The following P2RX3 variants were observed in gnomAD, a reference collection of about 807,000 sequenced individuals.
P2RX3 encodes P2X purinoceptor 3.
P2RX3 carries 41 observed loss-of-function variants against 51.5 expected under a neutral mutation model. The observed-to-expected ratio is 0.80, with a 90% CI of 0.62 to 1.03. P2RX3 has a LOEUF of 1.03. Ranked by LOEUF, P2RX3 falls within the 50% of genes least tolerant of loss-of-function variation. The pLI is 0.00. For missense variants in P2RX3, 459 were observed against 522.1 expected (o/e 0.88, Z 1.18); for synonymous variants, 185 against 191.6 (o/e 0.97, Z 0.29).
In P2RX3 at chr11:57,346,642, G is replaced by A. The variant is rs1856438566; in HGVS notation, c.218G>A (p.Arg73Lys). 6.2e-7 allele frequency: 1 copy of A among 1,614,072 alleles called. No individual in the cohort carries two copies. Among genetic ancestry groups the A allele is most frequent in the African/African-American group, 1.3e-5 (1 of 74,936 alleles). Residue 73 changes from arginine (R) to lysine (K), a missense_variant, in exon 2 of 12, where the codon AGA (arginine) becomes AAA (lysine). Arg to Lys is a conservative substitution (Grantham distance 26). Transcript: ENST00000263314. The part of the protein sequence containing the change: ...KVKGSGLYAN[R>K]VMDVSDYVTP... ...AAGGGCTCCGGACTCTACGCCAACA[G>A]AGTCATGGATGTGTCTGATTACGTG...
intron 8 of P2RX3, among the ~76,000 whole-genome samples, chr11:57,353,136 T>A (rs1013514894): frequency 2.0e-5 from 3 of 152,200 alleles, no homozygotes; most frequent in African/African-American, 7.2e-5. Context: ...AAAGCTGTCT[T>A]TCTGAATGCT....
intron 1 of P2RX3, among the ~76,000 whole-genome samples, chr11:57,342,949 G>T (rs1217107014): frequency 6.6e-6 from 1 of 152,154 alleles, no homozygotes; most frequent in Non-Finnish European, 1.5e-5. Flanking sequence ...ACCTGCCAAG[G>T]AGCTGCCACA....
At chr11:57,368,963 T>C (rs374433532) in intron 10 of P2RX3, among the ~76,000 whole-genome samples, 14 of 152,042 alleles carry the variant, frequency 9.2e-5, no homozygotes, top group African/African-American at 3.1e-4. Context: ...GGAGGACTGG[T>C]CCCCACCCTG....
chr11:57,361,423 A>G lies in P2RX3; in HGVS notation c.843-6586A>G, dbSNP rs999187570. On this transcript the variant is annotated intron_variant, in intron 8 of 11. Transcript: ENST00000263314. ...GTATTAAGCCCCACATGCATTAGCT[A>G]TTTATCCTGATGCTCTCCTTCCCCC... Among the ~76,000 whole-genome samples, 25 of 152,170 alleles carry G rather than the reference A, an allele frequency of 1.6e-4. 1 individual carries two copies. Among genetic ancestry groups the G allele is most frequent in the African/African-American group, 5.8e-4 (24 of 41,532 alleles).
chr11:57,350,786 G>T lies in P2RX3; in HGVS notation c.730G>T (p.Gly244Cys), dbSNP rs1241532267. 1.2e-6 allele frequency: 2 copies of T among 1,613,814 alleles called. No homozygotes were observed. The change falls in exon 8 of 12, where the codon GGC (glycine) becomes TGC (cysteine). Residue 244 changes from glycine to cysteine, a missense_variant. Transcript: ENST00000263314. ...GGGGGGAGTTCTGGGCATTAAGATC[G>T]GCTGGGTGTGCGACTTGGACAAGGC... ...RTGGVLGIKIGWVCDLDKAWD... is the reference protein window; with the variant it reads ...RTGGVLGIKICWVCDLDKAWD...
At chr11:57,349,430 C>T (rs187547337) in intron 6 of P2RX3, among the ~76,000 whole-genome samples, 82 of 151,920 alleles carry the variant, frequency 5.4e-4, no homozygotes, top group African/African-American at 1.8e-3. Flanking sequence ...CATGCCACCG[C>T]GCTCCAGCCT....
upstream of P2RX3, among the ~76,000 whole-genome samples, chr11:57,336,315 T>A (rs1475327850): frequency 6.6e-6 from 1 of 152,142 alleles, no homozygotes; most frequent in African/African-American, 2.4e-5. Flanking sequence ...GCTTTCTGGC[T>A]GAACTGTCAA....
intron 8 of P2RX3, among the ~76,000 whole-genome samples, chr11:57,355,477 A>T (rs1856614973): frequency 1.3e-5 from 2 of 151,208 alleles, no homozygotes; most frequent in African/African-American, 4.9e-5. Flanking sequence ...AGTAGCTGGG[A>T]TTACAGGTGC....
At chr11:57,344,180 G>A (rs987787376) in intron 1 of P2RX3, among the ~76,000 whole-genome samples, 5 of 152,212 alleles carry the variant, frequency 3.3e-5, no homozygotes, top group Admixed American at 6.5e-5. Context: ...AGGAGCAATA[G>A]GAAAGCAGGT....
chr11:57,366,963 T>C (rs59455760), intron 8 of P2RX3, among the ~76,000 whole-genome samples: 51,586 of 152,090 alleles, frequency 0.34, 10,557 homozygotes, highest in East Asian at 0.65. Flanking sequence ...TACTGCCACA[T>C]TGGGGATGAA....
chr11:57,347,489 C>A lies in P2RX3; in HGVS notation c.391+11C>A. 1 of 1,553,260 alleles carries A rather than the reference C, an allele frequency of 6.4e-7. No individual in the cohort carries two copies. The highest frequency in any genetic ancestry group is 8.7e-7 in the Non-Finnish European group (1 of 1,148,122). On this transcript the variant is annotated intron_variant, in intron 4 of 11. Coordinates refer to ENST00000263314, the MANE Select transcript of P2RX3 (RefSeq NM_002559.5). ...GCTTGCCAGGTGGGGGTGAGTCCAG[C>A]CCCTTACCCACCCCACAATCCCAAG...
chr11:57,361,041 T>TG (rs1565071112), intron 8 of P2RX3, among the ~76,000 whole-genome samples: 1 of 152,014 alleles, frequency 6.6e-6, no homozygotes, highest in African/African-American at 2.4e-5. Context: ...CAAGGTGAAG[T>TG]CACTAAACAT....
chr11:57,345,996 C>G (rs1235139315), intron 1 of P2RX3, among the ~76,000 whole-genome samples: 3 of 152,020 alleles, frequency 2.0e-5, no homozygotes, highest in Non-Finnish European at 4.4e-5. Flanking sequence ...GCACCGAGCT[C>G]CCAAGGACCT....
chr11:57,363,816 C>A (rs1052725031), intron 8 of P2RX3, among the ~76,000 whole-genome samples: 2 of 152,170 alleles, frequency 1.3e-5, no homozygotes, highest in African/African-American at 4.8e-5. Flanking sequence ...GGCCCACACT[C>A]CCTGAGCTCT....
At chr11:57,356,403 T>C (rs1856632124) in intron 8 of P2RX3, among the ~76,000 whole-genome samples, 1 of 152,222 alleles carries the variant, frequency 6.6e-6, no homozygotes, top group Non-Finnish European at 1.5e-5. Context: ...CCTCTGAGAG[T>C]TCCTAAGACA....
chr11:57,349,704 A>G, intron 6 of P2RX3, 53 bp from the exon 7 acceptor site: 15 of 1,611,118 alleles, frequency 9.3e-6, no homozygotes, highest in Non-Finnish European at 1.3e-5. Flanking sequence ...GAGATTGCAC[A>G]AGACGATCTT....
upstream of P2RX3, among the ~76,000 whole-genome samples, chr11:57,336,632 G>T (rs147022503): frequency 6.6e-6 from 1 of 152,184 alleles, no homozygotes; most frequent in Non-Finnish European, 1.5e-5. Flanking sequence ...GTCTCAGTGC[G>T]TTGGCAACAA....
Position 57,347,418 on chromosome 11 carries a change from G to A in P2RX3, c.331G>A (p.Glu111Lys), listed in dbSNP as rs1856458003. The A allele has an allele frequency of 3.8e-6, 6 of 1,559,404 alleles. No homozygotes were observed. Among genetic ancestry groups the A allele is most frequent in the Non-Finnish European group, 5.2e-6 (6 of 1,151,176 alleles). ...NQMQGFCPES[E>K]EKYRCVSDSQ... ...CCTGTGACCCGTCTGCCCACAGAGT[G>A]AGGAGAAATACCGCTGTGTATCAGA... is the stretch of plus-strand genomic sequence containing the variant. Residue 111 changes from glutamate to lysine, a missense_variant, in exon 4 of 12, where the codon GAG becomes AAG. Physicochemically the swap from Glu to Lys is moderately conservative, Grantham distance 56. Transcript: ENST00000263314.
upstream of P2RX3, among the ~76,000 whole-genome samples, chr11:57,337,169 A>G (rs1200196694): frequency 2.0e-5 from 3 of 151,476 alleles, no homozygotes; most frequent in Non-Finnish European, 4.4e-5. Flanking sequence ...GCGGGTGCCT[A>G]TAATCCCAGC....
Sources: allele counts gnomAD v4.1 joint callset (sites outside exome capture counted in the v4.1 genomes callset), GRCh38; gene constraint gnomAD v4.1.1; transcripts MANE v1.5; gene names NCBI Gene and HGNC (gene_info 2026-07-23, HGNC 2026-07-21).